The following ATXN7L1 variants were observed in gnomAD, a reference collection of about 807,000 sequenced individuals.
ATXN7L1 encodes the protein ataxin-7-like protein 1.
In ATXN7L1, 15 loss-of-function variants were observed where a neutral mutation model predicts 70.8. That is an observed-to-expected ratio of 0.21 (90% CI 0.14 to 0.33). The LOEUF is 0.33. Ranked by LOEUF, ATXN7L1 falls within the 10% of genes least tolerant of loss-of-function variation. The pLI is 1.00. For synonymous variants in ATXN7L1, 440 were observed against 445.1 expected, an observed-to-expected ratio of 0.99 and a Z score of 0.14; for missense variants, 975 against 1,097.1, an observed-to-expected ratio of 0.89 and a Z score of 1.57.
intron 3 of ATXN7L1, among the ~76,000 whole-genome samples, chr7:105,700,964 T>C (rs963203721): frequency 1.3e-5 from 2 of 152,186 alleles, no homozygotes; most frequent in African/African-American, 4.8e-5. Context: ...TTATAGGTGT[T>C]AGCTACTGCG....
intron 2 of ATXN7L1, among the ~76,000 whole-genome samples, chr7:105,812,463 T>C (rs527993838): frequency 2.4e-4 from 37 of 152,224 alleles, no homozygotes; most frequent in Non-Finnish European, 4.6e-4. Flanking sequence ...TGGGTCTTGA[T>C]TCTATCAGTT....
At chr7:105,700,232 G>A (rs927170039) in intron 3 of ATXN7L1, among the ~76,000 whole-genome samples, 3 of 152,064 alleles carry the variant, frequency 2.0e-5, no homozygotes, top group East Asian at 1.9e-4. Context: ...GGGGCTGGGC[G>A]CGGTGGCTCA....
chr7:105,755,591 T>A (rs1396652336), intron 3 of ATXN7L1, among the ~76,000 whole-genome samples: 2 of 152,124 alleles, frequency 1.3e-5, no homozygotes, highest in Non-Finnish European at 2.9e-5. Context: ...AAAAGCCCCA[T>A]CCACTGGTCC....
At chr7:105,679,091 C>T in intron 3 of ATXN7L1, 1 of 986,098 alleles carries the variant, frequency 1.0e-6, no homozygotes. Flanking sequence ...GATAAGGAGG[C>T]TGACACACGC....
chr7:105,740,784 T>TTTTTTTTTTTTTTTTTTTTTG (rs556048408), intron 3 of ATXN7L1, among the ~76,000 whole-genome samples: 962 of 77,796 alleles, frequency 0.012, 199 homozygotes, highest in Non-Finnish European at 0.015. Flanking sequence ...TTTTTTTTTT[T>TTTTTTTTTTTTTTTTTTTTTG]AATGGAGTCT....
At chr7:105,836,002 CTG>C (rs1389123067) in intron 2 of ATXN7L1, among the ~76,000 whole-genome samples, 1 of 152,284 alleles carries the variant, frequency 6.6e-6, no homozygotes, top group South Asian at 2.1e-4. Context: ...TCTTCAGAAA[CTG>C]TGAGAACAAG....
intron 2 of ATXN7L1, among the ~76,000 whole-genome samples, chr7:105,800,013 A>AG (rs1043907336): frequency 6.6e-6 from 1 of 152,208 alleles, no homozygotes; most frequent in Non-Finnish European, 1.5e-5. Context: ...GGGCCCCTCA[A>AG]GCCAGTCGTA....
chr7:105,797,876 T>C (rs565523971), intron 2 of ATXN7L1, among the ~76,000 whole-genome samples: 2 of 152,214 alleles, frequency 1.3e-5, no homozygotes, highest in Admixed American at 6.5e-5. Flanking sequence ...AGACAGGAAT[T>C]GTGACTTATC....
At chr7:105,712,286 C>T (rs1794025426) in intron 3 of ATXN7L1, among the ~76,000 whole-genome samples, 1 of 152,210 alleles carries the variant, frequency 6.6e-6, no homozygotes, top group Non-Finnish European at 1.5e-5. Context: ...GCCCTGGAGA[C>T]ATTTTGCCCA....
At chr7:105,852,724 C>T (rs1382934678) in intron 2 of ATXN7L1, among the ~76,000 whole-genome samples, 7 of 151,614 alleles carry the variant, frequency 4.6e-5, no homozygotes, top group East Asian at 2.0e-4. Flanking sequence ...CTGTTTGACC[C>T]GCTCACAGAT....
At position 105,607,444 on chromosome 7, in the gene ATXN7L1, A is replaced by T. The variant is rs1274001510; in HGVS notation, c.*408T>A. The T allele has an allele frequency of 5.4e-6, 1 of 184,924 alleles. No individual in the cohort carries two copies. Among genetic ancestry groups the T allele is most frequent in the Admixed American group, 5.5e-5 (1 of 18,122 alleles). 11.5% of individuals were successfully genotyped at this position (184,924 alleles called of 1,614,324 possible). A position where few individuals can be genotyped will look rare whatever the true frequency, so the allele number is the denominator to read the frequency against. On this transcript the variant is annotated 3_prime_UTR_variant, in exon 12 of 12. Coordinates refer to ENST00000419735, the MANE Select transcript of ATXN7L1 (RefSeq NM_020725.2). ...TCGGGTGGAGATGACAGGAAGAAAA[A>T]GGGCTCTGCCTGTGCTACAGTTCAA...
chr7:105,623,021 G>A (rs1222037103), intron 8 of ATXN7L1, among the ~76,000 whole-genome samples: 1 of 152,152 alleles, frequency 6.6e-6, no homozygotes, highest in African/African-American at 2.4e-5. Flanking sequence ...TGACCTTAGC[G>A]CTTGTGCCAG....
intron 2 of ATXN7L1, among the ~76,000 whole-genome samples, chr7:105,867,103 G>T (rs74869822): frequency 6.6e-6 from 1 of 152,070 alleles, no homozygotes; most frequent in South Asian, 2.1e-4. Context: ...GGGAACCGCC[G>T]GCTGAAAGCA....
At chr7:105,797,206 G>T (rs539843901) in intron 2 of ATXN7L1, among the ~76,000 whole-genome samples, 14 of 152,316 alleles carry the variant, frequency 9.2e-5, no homozygotes, top group South Asian at 2.1e-4. Flanking sequence ...TCCTGCCACG[G>T]CTAGGCTGGA....
chr7:105,845,607 T>C (rs547701052), intron 2 of ATXN7L1, among the ~76,000 whole-genome samples: 152 of 152,166 alleles, frequency 1.0e-3, no homozygotes, highest in Non-Finnish European at 1.2e-3. Context: ...CAAAACAATT[T>C]TGAAAAAGAA....
chr7:105,727,767 T>TATATATATAAATA, intron 3 of ATXN7L1, among the ~76,000 whole-genome samples: 1 of 100,276 alleles, frequency 1.0e-5, no homozygotes, highest in East Asian at 3.6e-4. Context: ...TATATATATA[T>TATATATATAAATA]ATATATATAT....
At chr7:105,872,424 T>C (rs1818404010) in intron 2 of ATXN7L1, among the ~76,000 whole-genome samples, 1 of 152,234 alleles carries the variant, frequency 6.6e-6, no homozygotes, top group Non-Finnish European at 1.5e-5. Flanking sequence ...AACCCAAATG[T>C]CCACCAACAG....
chr7:105,760,925 G>A, intron 3 of ATXN7L1: 1 of 165,738 alleles, frequency 6.0e-6, no homozygotes, highest in Non-Finnish European at 1.2e-5. Flanking sequence ...GGCACAGGAT[G>A]TGGCCCAGAC....
intron 3 of ATXN7L1, chr7:105,679,017 C>G (rs765878078): frequency 6.4e-5 from 61 of 945,880 alleles, no homozygotes; most frequent in Non-Finnish European, 7.7e-5. Flanking sequence ...CCCACGCCGT[C>G]CTGTGTGGCC....
Sources: allele counts gnomAD v4.1 joint callset (sites outside exome capture counted in the v4.1 genomes callset), GRCh38; gene constraint gnomAD v4.1.1; transcripts MANE v1.5; gene names NCBI Gene and HGNC (gene_info 2026-07-23, HGNC 2026-07-21).